SLC6A17: variants seen among roughly 807,000 people sequenced by gnomAD.
The protein encoded by SLC6A17 is sodium-dependent neutral amino acid transporter SLC6A17.
SLC6A17 carries 21 observed loss-of-function variants against 64.5 expected under a neutral mutation model. The ratio of observed to expected loss-of-function variants is 0.33; its 90% CI spans 0.23 to 0.47. The LOEUF (loss-of-function observed/expected upper bound fraction) is 0.47. SLC6A17 is among the 20% of genes least tolerant of loss of function. SLC6A17 has a pLI of 1.00. For synonymous variants in SLC6A17, 372 were observed against 399.5 expected, an observed-to-expected ratio of 0.93 and a Z score of 0.82; for missense variants, 682 against 963.2, an observed-to-expected ratio of 0.71 and a Z score of 3.86.
chr1:110,160,848 G>A (rs1381676036), intron 1 of SLC6A17, among the ~76,000 whole-genome samples: 1 of 152,178 alleles, frequency 6.6e-6, no homozygotes. Context: ...CAGTGGGAGT[G>A]GGGTGGCGTG....
intron 6 of SLC6A17, among the ~76,000 whole-genome samples, chr1:110,177,079 C>T (rs967321966): frequency 9.9e-5 from 15 of 152,284 alleles, no homozygotes; most frequent in African/African-American, 3.4e-4. Context: ...AAACACTGGG[C>T]GTGCTTGAGG....
At chr1:110,178,229 T>C (rs757522109) in intron 6 of SLC6A17, among the ~76,000 whole-genome samples, 8 of 152,214 alleles carry the variant, frequency 5.3e-5, no homozygotes, top group Non-Finnish European at 1.2e-4. Context: ...AATTATATGC[T>C]CTGGTGTTGT....
At chr1:110,159,217 C>T (rs1038067026) in intron 1 of SLC6A17, among the ~76,000 whole-genome samples, 9 of 152,154 alleles carry the variant, frequency 5.9e-5, no homozygotes, top group African/African-American at 2.2e-4. Flanking sequence ...TTCAGAAGTT[C>T]CCCCAGTGGA....
chr1:110,177,083 C>T (rs1476801505), intron 6 of SLC6A17, among the ~76,000 whole-genome samples: 5 of 152,158 alleles, frequency 3.3e-5, no homozygotes, highest in Non-Finnish European at 5.9e-5. Context: ...ACTGGGCGTG[C>T]TTGAGGCAAC....
rs1656073010 is a variant in SLC6A17 at position 110,166,886 on chromosome 1, C to T, written c.-44C>T. ...GCTGACAGCAGCTGAATTCCATCTT[C>T]TCTGTGTGCTGGGGAGCAGGGCTAC... On this transcript the variant is annotated 5_prime_UTR_variant, in exon 2 of 12. Coordinates refer to ENST00000331565, the MANE Select transcript of SLC6A17 (RefSeq NM_001010898.4). 6.4e-7 allele frequency: 1 copy of T among 1,553,736 alleles called. No individual in the cohort carries two copies. The highest frequency in any genetic ancestry group is 1.4e-5 in the African/African-American group (1 of 73,682).
At chr1:110,159,270 TGGG>T (rs567880482) in intron 1 of SLC6A17, among the ~76,000 whole-genome samples, 2 of 152,050 alleles carry the variant, frequency 1.3e-5, no homozygotes, top group Non-Finnish European at 2.9e-5. Context: ...ATGCATGGGT[TGGG>T]GGGGTGCTTT....
rs906335516 is a variant in SLC6A17 at position 110,200,294 on chromosome 1, C to T, written c.*1850C>T. The T allele has an allele frequency of 2.0e-5, 8 of 390,258 alleles. No individual in the cohort carries two copies. The highest frequency in any genetic ancestry group is 3.6e-5 in the Non-Finnish European group (8 of 221,656). The allele number at this position is 390,258 out of a possible 1,614,324, so 24.2% of individuals were successfully genotyped here. A position where few individuals can be genotyped will look rare whatever the true frequency, so the allele number is the denominator to read the frequency against. ...GCCCCCTCTGCCCTACCTGTCTTTC[C>T]TGAGTGTTTGAGGGGAGAGAGAGAC... On this transcript the variant is annotated 3_prime_UTR_variant, in exon 12 of 12. Coordinates refer to ENST00000331565, the MANE Select transcript of SLC6A17 (RefSeq NM_001010898.4).
intron 5 of SLC6A17, 54 bp from the exon 6 acceptor site, chr1:110,176,575 G>A (rs980758376): frequency 2.6e-6 from 4 of 1,525,780 alleles, no homozygotes; most frequent in Non-Finnish European, 3.6e-6. Context: ...GGGATGGGGG[G>A]TGCCAGCTGC....
At chr1:110,184,315 T>G (rs989727836) in intron 6 of SLC6A17, among the ~76,000 whole-genome samples, 4 of 152,174 alleles carry the variant, frequency 2.6e-5, no homozygotes, top group African/African-American at 9.6e-5. Flanking sequence ...CCATGTTAGC[T>G]AGGATGGTCT....
chr1:110,200,198 C>T lies in SLC6A17; in HGVS notation c.*1754C>T. 2 of 398,062 alleles carry T rather than the reference C, an allele frequency of 5.0e-6. No homozygotes were observed. Among genetic ancestry groups the T allele is most frequent in the Non-Finnish European group, 8.9e-6 (2 of 225,932 alleles). 24.7% of individuals were successfully genotyped at this position (398,062 alleles called of 1,614,324 possible). A position where few individuals can be genotyped will look rare whatever the true frequency, so the allele number is the denominator to read the frequency against. On this transcript the variant is annotated 3_prime_UTR_variant, in exon 12 of 12. Transcript: ENST00000331565. ...CTGAGTTCCTTACTGTTCCCCCAAG[C>T]CTGGGAGCAGTCTATCCCCCAACCC...
At chr1:110,183,996 T>A (rs1318418415) in intron 6 of SLC6A17, among the ~76,000 whole-genome samples, 1 of 152,132 alleles carries the variant, frequency 6.6e-6, no homozygotes, top group East Asian at 1.9e-4. Flanking sequence ...CTCTCTAGCA[T>A]GGAGATCGCC....
At chr1:110,174,191 G>C in intron 4 of SLC6A17, 92 bp downstream of exon 4, 1 of 1,521,598 alleles carries the variant, frequency 6.6e-7, no homozygotes, top group Non-Finnish European at 8.8e-7. Flanking sequence ...TTTCAGACTT[G>C]TTGTGTCCCC....
At chr1:110,174,146 A>G (rs1241106300) in intron 4 of SLC6A17, 47 bp downstream of exon 4, 2 of 1,604,696 alleles carry the variant, frequency 1.2e-6, no homozygotes, top group Non-Finnish European at 1.7e-6. Context: ...CTGTCCCAGG[A>G]AGGGGTCTCA....
At chr1:110,154,752 G>A (rs115298211) in intron 1 of SLC6A17, among the ~76,000 whole-genome samples, 5,469 of 152,268 alleles carry the variant, frequency 0.036, 138 homozygotes, top group Non-Finnish European at 0.045. Context: ...AATCAAGGAC[G>A]GCCACTTGCT....
At chr1:110,184,879 A>T (rs12067474) in intron 6 of SLC6A17, among the ~76,000 whole-genome samples, 1,954 of 152,332 alleles carry the variant, frequency 0.013, 33 homozygotes, top group African/African-American at 0.044. Flanking sequence ...TCATGGGTAC[A>T]TCTGGAGAAG....
intron 1 of SLC6A17, among the ~76,000 whole-genome samples, chr1:110,160,837 G>T (rs1655886925): frequency 6.6e-6 from 1 of 152,198 alleles, no homozygotes; most frequent in African/African-American, 2.4e-5. Flanking sequence ...CCTTCAGTAG[G>T]CAGTGGGAGT....
At chr1:110,161,134 G>T (rs1293630263) in intron 1 of SLC6A17, among the ~76,000 whole-genome samples, 1 of 152,220 alleles carries the variant, frequency 6.6e-6, no homozygotes, top group Non-Finnish European at 1.5e-5. Context: ...GTCAGGAGCA[G>T]TTTGCCCCAG....
At chr1:110,167,363 A>C in intron 2 of SLC6A17, 148 bp downstream of exon 2, 1 of 1,033,360 alleles carries the variant, frequency 9.7e-7, no homozygotes, top group East Asian at 2.6e-5. Context: ...AGGAATAGCT[A>C]TAATGATGGT....
At chr1:110,157,920 CTT>C (rs1557828740) in intron 1 of SLC6A17, among the ~76,000 whole-genome samples, 1 of 152,194 alleles carries the variant, frequency 6.6e-6, no homozygotes, top group Non-Finnish European at 1.5e-5. Flanking sequence ...CCGTTGAAGT[CTT>C]TATGTCACCT....
Sources: allele counts gnomAD v4.1 joint callset (sites outside exome capture counted in the v4.1 genomes callset), GRCh38; gene constraint gnomAD v4.1.1; transcripts MANE v1.5; gene names NCBI Gene and HGNC (gene_info 2026-07-23, HGNC 2026-07-21).